Variants in SYT1 observed in about 807,000 individuals in gnomAD.
SYT1 encodes synaptotagmin-1.
In SYT1, 8 loss-of-function variants were observed where a neutral mutation model predicts 44.8. That is an observed-to-expected ratio of 0.18 (90% CI 0.10 to 0.32). The LOEUF is 0.32. Among genes scored for constraint, SYT1 ranks in the 10% least tolerant of loss-of-function variants. The pLI is 1.00. For synonymous variants in SYT1, 154 were observed against 188.8 expected (o/e 0.82, Z 1.51); for missense variants, 286 against 509.3 (o/e 0.56, Z 4.22).
chr12:79,179,217 T>TATAGATATATAG (rs1555204785), intron 3 of SYT1, among the ~76,000 whole-genome samples: 1 of 32,388 alleles, frequency 3.1e-5, no homozygotes, highest in African/African-American at 1.9e-4. Context: ...TAGATATAGA[T>TATAGATATATAG]ATATAGATAT....
chr12:79,019,002 C>T (rs1871999321), intron 2 of SYT1, among the ~76,000 whole-genome samples: 1 of 151,974 alleles, frequency 6.6e-6, no homozygotes, highest in South Asian at 2.1e-4. Flanking sequence ...TAAATGATAG[C>T]TATTCGTCAA....
intron 4 of SYT1, among the ~76,000 whole-genome samples, chr12:79,279,890 T>TAATACCTAA: frequency 6.6e-6 from 1 of 151,950 alleles, no homozygotes; most frequent in Non-Finnish European, 1.5e-5. Context: ...ATCCCATTTA[T>TAATACCTAA]AATAGCTGCA....
At chr12:79,223,065 A>C (rs1019427495) in intron 4 of SYT1, among the ~76,000 whole-genome samples, 4 of 151,994 alleles carry the variant, frequency 2.6e-5, no homozygotes, top group Non-Finnish European at 5.9e-5. Flanking sequence ...GAGCTTCCTT[A>C]GTTATTTGGA....
intron 1 of SYT1, among the ~76,000 whole-genome samples, chr12:78,940,587 C>T (rs1878297210): frequency 6.6e-6 from 1 of 151,610 alleles, no homozygotes; most frequent in Non-Finnish European, 1.5e-5. Flanking sequence ...AGAGATGGGG[C>T]TATGTTGCTC....
At chr12:79,214,021 T>C (rs188214932) in intron 3 of SYT1, among the ~76,000 whole-genome samples, 85 of 152,364 alleles carry the variant, frequency 5.6e-4, no homozygotes, top group Non-Finnish European at 8.4e-4. Flanking sequence ...ATAAGCATTT[T>C]ATTTCCATAA....
chr12:78,976,171 G>A (rs369008552), intron 1 of SYT1, among the ~76,000 whole-genome samples: 74 of 151,902 alleles, frequency 4.9e-4, no homozygotes, highest in South Asian at 1.5e-3. Context: ...CATATATGTC[G>A]CCCTAACTTC....
chr12:78,931,607 T>C (rs1280221948), intron 1 of SYT1, among the ~76,000 whole-genome samples: 2 of 152,160 alleles, frequency 1.3e-5, no homozygotes, highest in Non-Finnish European at 2.9e-5. Context: ...GTAGGCATGA[T>C]GTAGATTTAT....
At chr12:79,073,497 G>T (rs1195791297) in intron 3 of SYT1, among the ~76,000 whole-genome samples, 6 of 152,102 alleles carry the variant, frequency 3.9e-5, no homozygotes, top group African/African-American at 1.4e-4. Flanking sequence ...CCATACATCA[G>T]CGGGATGACC....
intron 3 of SYT1, among the ~76,000 whole-genome samples, chr12:79,164,066 T>G (rs1871107050): frequency 6.6e-6 from 1 of 151,982 alleles, no homozygotes; most frequent in Non-Finnish European, 1.5e-5. Flanking sequence ...CAATACCCAT[T>G]GCACTCCTAA....
At chr12:78,949,579 A>G (rs571243910) in intron 1 of SYT1, among the ~76,000 whole-genome samples, 1 of 152,150 alleles carries the variant, frequency 6.6e-6, no homozygotes, top group East Asian at 1.9e-4. Context: ...AATCACTGAC[A>G]ATGGCAAATG....
rs79456383 is a variant in SYT1 at position 79,220,853 on chromosome 12, G to T, written c.166+3168G>T. ...AGACTTATTTTGTGGCCTCACATAC[G>T]ATCTATTCTGAGGAATGTTTCATGT... On this transcript the variant is annotated intron_variant, in intron 4 of 10. Coordinates refer to ENST00000261205, the MANE Select transcript of SYT1 (RefSeq NM_005639.3). Among the ~76,000 whole-genome samples, 581 of 152,128 alleles carry T rather than the reference G, an allele frequency of 3.8e-3. 5 individuals are homozygous for T. Among genetic ancestry groups the T allele is most frequent in the Non-Finnish European group, 6.9e-3 (472 of 67,966 alleles).
At chr12:79,167,805 T>C in intron 3 of SYT1, among the ~76,000 whole-genome samples, 1 of 152,018 alleles carries the variant, frequency 6.6e-6, no homozygotes, top group East Asian at 1.9e-4. Context: ...GGAAGACAAT[T>C]TTTCCCTGGG....
intron 3 of SYT1, among the ~76,000 whole-genome samples, chr12:79,108,505 T>C (rs1592755265): frequency 2.0e-5 from 3 of 152,232 alleles, no homozygotes; most frequent in South Asian, 4.1e-4. Flanking sequence ...TTTTGTGATT[T>C]AAATGTTAAG....
At chr12:79,192,917 A>G (rs910762358) in intron 3 of SYT1, among the ~76,000 whole-genome samples, 10 of 152,132 alleles carry the variant, frequency 6.6e-5, no homozygotes, top group Non-Finnish European at 1.3e-4. Flanking sequence ...TCACAAATGG[A>G]TTCTCTACAA....
intron 1 of SYT1, among the ~76,000 whole-genome samples, chr12:78,888,053 A>G (rs1164632256): frequency 6.6e-6 from 1 of 151,978 alleles, no homozygotes; most frequent in Non-Finnish European, 1.5e-5. Flanking sequence ...AACTCATTAC[A>G]TGAGAAAATT....
intron 1 of SYT1, among the ~76,000 whole-genome samples, chr12:78,975,001 A>G (rs1868714095): frequency 6.6e-6 from 1 of 152,014 alleles, no homozygotes; most frequent in Non-Finnish European, 1.5e-5. Context: ...TTCAAGCCAT[A>G]GTAACTTTTT....
intron 4 of SYT1, among the ~76,000 whole-genome samples, chr12:79,237,252 TG>T (rs1876245237): frequency 6.6e-6 from 1 of 152,212 alleles, no homozygotes. Flanking sequence ...TCCAGGGTTA[TG>T]CCCTGTAGGG....
chr12:79,442,372 T>C (rs1205182919), intron 9 of SYT1, among the ~76,000 whole-genome samples: 1 of 151,642 alleles, frequency 6.6e-6, no homozygotes, highest in East Asian at 1.9e-4. Flanking sequence ...TTACAGTGGA[T>C]TTTTTTTTAA....
At chr12:79,072,272 C>A (rs1197077098) in intron 3 of SYT1, among the ~76,000 whole-genome samples, 1 of 152,062 alleles carries the variant, frequency 6.6e-6, no homozygotes, top group South Asian at 2.1e-4. Context: ...CTCTCTCTTT[C>A]GTAGTTTGTT....
Sources: allele counts gnomAD v4.1 joint callset (sites outside exome capture counted in the v4.1 genomes callset), GRCh38; gene constraint gnomAD v4.1.1; transcripts MANE v1.5; gene names NCBI Gene and HGNC (gene_info 2026-07-23, HGNC 2026-07-21).